The following PCDH11X variants were observed in gnomAD, a reference collection of about 807,000 sequenced individuals.
PCDH11X encodes the protein protocadherin-11 X-linked.
A neutral mutation model predicts 53.3 loss-of-function variants in PCDH11X; 18 were observed. That is an observed-to-expected ratio of 0.34 (90% confidence interval 0.23 to 0.50). PCDH11X has a LOEUF of 0.50. PCDH11X is among the 20% of genes least tolerant of loss of function. The probability of loss-of-function intolerance (pLI) is 0.98; values close to 1 mark genes in which losing one functional copy is unlikely to be tolerated. For synonymous variants in PCDH11X, 279 were observed against 393.3 expected (o/e 0.71, Z 3.44); for missense variants, 570 against 1,032.4 (o/e 0.55, Z 6.14).
At chrX:92,115,600 C>T (rs2064622026) in intron 6 of PCDH11X, among the ~76,000 whole-genome samples, 1 of 110,583 alleles carries the variant, frequency 9.0e-6, no homozygotes, top group South Asian at 4.0e-4. Flanking sequence ...CCCAAAACCT[C>T]GAAAGTAGGG....
intron 5 of PCDH11X, among the ~76,000 whole-genome samples, chrX:91,867,851 G>A (rs952314498): frequency 9.0e-6 from 1 of 111,373 alleles, no homozygotes; most frequent in African/African-American, 3.3e-5. Flanking sequence ...AAAAAGACAC[G>A]TCTATGATTC....
At chrX:92,544,518 G>A (rs1162100050) in intron 10 of PCDH11X, among the ~76,000 whole-genome samples, 1 of 108,390 alleles carries the variant, frequency 9.2e-6, no homozygotes, top group Non-Finnish European at 1.9e-5. Context: ...AAGTCAGCAC[G>A]AGTGCATGAG....
At chrX:92,581,838 A>G (rs955011659) in intron 10 of PCDH11X, among the ~76,000 whole-genome samples, 13 of 108,795 alleles carry the variant, frequency 1.2e-4, no homozygotes, top group African/African-American at 3.7e-4. Flanking sequence ...AATATGGACA[A>G]TAAAGTCCAG....
At chrX:92,103,599 C>T (rs1405815615) in intron 6 of PCDH11X, among the ~76,000 whole-genome samples, 2 of 111,582 alleles carry the variant, frequency 1.8e-5, no homozygotes, top group African/African-American at 6.5e-5. Flanking sequence ...TTGAACAGTC[C>T]GATTTTCAGT....
intron 1 of PCDH11X, among the ~76,000 whole-genome samples, chrX:91,793,861 G>A (rs972240987): frequency 3.4e-4 from 38 of 111,544 alleles, no homozygotes; most frequent in African/African-American, 1.2e-3. Flanking sequence ...AAGCATTTCC[G>A]TAATAGAGTT....
chrX:92,197,058 G>A (rs1265488886), intron 6 of PCDH11X, among the ~76,000 whole-genome samples: 1 of 111,808 alleles, frequency 8.9e-6, no homozygotes, highest in Admixed American at 9.6e-5. Flanking sequence ...TGATGAAGCT[G>A]AGAATCATCT....
At chrX:92,199,857 C>T (rs556338946) in intron 6 of PCDH11X, among the ~76,000 whole-genome samples, 2 of 111,218 alleles carry the variant, frequency 1.8e-5, no homozygotes, top group African/African-American at 6.5e-5. Flanking sequence ...TACTTTTAAC[C>T]AAGTAAAATA....
chrX:92,290,152 G>C (rs1408537287), intron 8 of PCDH11X, among the ~76,000 whole-genome samples: 1 of 111,514 alleles, frequency 9.0e-6, no homozygotes, highest in African/African-American at 3.2e-5. Context: ...AATCAAATTA[G>C]TGAGTACTAA....
chrX:92,142,870 C>G (rs2065208889), intron 6 of PCDH11X, among the ~76,000 whole-genome samples: 1 of 108,965 alleles, frequency 9.2e-6, no homozygotes, highest in Non-Finnish European at 1.9e-5. Flanking sequence ...TACACACACA[C>G]AGACACATAC....
chrX:91,849,793 T>G, intron 5 of PCDH11X, among the ~76,000 whole-genome samples: 1 of 101,148 alleles, frequency 9.9e-6, no homozygotes. Flanking sequence ...ATTATGTTCC[T>G]GAAAGTACAT....
intron 9 of PCDH11X, among the ~76,000 whole-genome samples, chrX:92,446,892 A>G (rs769836339): frequency 2.7e-5 from 3 of 111,705 alleles, no homozygotes; most frequent in East Asian, 5.7e-4. Context: ...GCTGACAGCA[A>G]TATGCACAAT....
At chrX:92,618,162 G>A in intron 10 of PCDH11X, 102 bp from the exon 11 acceptor site, 1 of 1,058,473 alleles carries the variant, frequency 9.4e-7, no homozygotes, top group Non-Finnish European at 1.3e-6. Flanking sequence ...TAATGCATTT[G>A]TATATAGGTT....
chrX:92,125,230 C>T (rs1308137504), intron 6 of PCDH11X, among the ~76,000 whole-genome samples: 25 of 111,024 alleles, frequency 2.3e-4, no homozygotes, highest in South Asian at 1.1e-3. Context: ...TCCTTTTAGT[C>T]AAAACAGTGG....
intron 10 of PCDH11X, among the ~76,000 whole-genome samples, chrX:92,575,337 T>C (rs1014040266): frequency 9.1e-6 from 1 of 110,320 alleles, no homozygotes; most frequent in African/African-American, 3.3e-5. Flanking sequence ...TTTTAACACC[T>C]TTCAGGATTT....
At chrX:91,946,668 C>A (rs770873578) in intron 6 of PCDH11X, among the ~76,000 whole-genome samples, 2 of 92,696 alleles carry the variant, frequency 2.2e-5, no homozygotes, top group South Asian at 1.1e-3. Flanking sequence ...CGGGTTGAGG[C>A]AATATATATT....
At chrX:91,961,786 C>T (rs990771037) in intron 6 of PCDH11X, among the ~76,000 whole-genome samples, 169 of 106,819 alleles carry the variant, frequency 1.6e-3, no homozygotes, top group Non-Finnish European at 1.5e-3. Flanking sequence ...GTTTAATTGA[C>T]TCACAGTTCA....
At chrX:92,377,081 A>T (rs1281376039) in intron 8 of PCDH11X, among the ~76,000 whole-genome samples, 1 of 112,119 alleles carries the variant, frequency 8.9e-6, no homozygotes, top group Non-Finnish European at 1.9e-5. Context: ...TATCATTTTG[A>T]AATTTAATAG....
intron 9 of PCDH11X, among the ~76,000 whole-genome samples, chrX:92,424,189 T>G (rs1448433800): frequency 1.1e-5 from 1 of 93,706 alleles, no homozygotes; most frequent in Non-Finnish European, 2.3e-5. Context: ...CAAATGTTTT[T>G]TTTTTTTTTT....
At chrX:92,072,754 G>A (rs1276533169) in intron 6 of PCDH11X, among the ~76,000 whole-genome samples, 1 of 111,191 alleles carries the variant, frequency 9.0e-6, no homozygotes, top group South Asian at 3.8e-4. Context: ...GCACTGCCTG[G>A]GGTAGGGGGT....
Sources: gnomAD v4.1 joint callset for allele counts (sites outside exome capture counted in the v4.1 genomes callset) on GRCh38, gnomAD v4.1.1 for gene constraint, MANE v1.5 for transcripts, NCBI Gene and HGNC (gene_info 2026-07-23, HGNC 2026-07-21) for gene names.